GBE1: variants seen among roughly 807,000 people sequenced by gnomAD.
The protein encoded by GBE1 is 1,4-alpha-glucan-branching enzyme.
Under a neutral mutation model 88.8 loss-of-function variants are expected in GBE1, and 70 were observed. That is an observed-to-expected ratio of 0.79 (90% CI 0.65 to 0.96). The LOEUF is 0.96. Among genes scored for constraint, GBE1 ranks in the 40% least tolerant of loss-of-function variants. GBE1 has a pLI of 0.00. For missense variants in GBE1, 872 were observed against 871.0 expected, an observed-to-expected ratio of 1.00 and a Z score of -0.01; for synonymous variants, 284 against 300.1, an observed-to-expected ratio of 0.95 and a Z score of 0.56.
chr3:81,521,101 A>G (rs60231070), intron 14 of GBE1, among the ~76,000 whole-genome samples: 19,728 of 151,516 alleles, frequency 0.13, 1,841 homozygotes, highest in East Asian at 0.37. Context: ...GATGGCAGTC[A>G]CCATCTATTC....
At chr3:81,713,027 T>C (rs191593270) in intron 1 of GBE1, among the ~76,000 whole-genome samples, 3 of 152,338 alleles carry the variant, frequency 2.0e-5, no homozygotes, top group South Asian at 2.1e-4. Context: ...AACATACTTA[T>C]TGCAGGATAA....
At chr3:81,630,969 G>A (rs1704499697) in intron 7 of GBE1, among the ~76,000 whole-genome samples, 1 of 152,176 alleles carries the variant, frequency 6.6e-6, no homozygotes, top group African/African-American at 2.4e-5. Context: ...TTCAGAGGCT[G>A]AAGTGGGAGG....
At chr3:81,598,134 T>C (rs1703984225) in intron 7 of GBE1, among the ~76,000 whole-genome samples, 1 of 151,912 alleles carries the variant, frequency 6.6e-6, no homozygotes, top group African/African-American at 2.4e-5. Flanking sequence ...ACCTCTGAGA[T>C]TTTCAAAATT....
intron 9 of GBE1, among the ~76,000 whole-genome samples, chr3:81,590,760 G>T (rs1420386202): frequency 6.6e-6 from 1 of 152,014 alleles, no homozygotes; most frequent in Non-Finnish European, 1.5e-5. Context: ...ATAGCGAAGG[G>T]CCTGTCCACT....
At chr3:81,521,793 G>T (rs1214074323) in intron 14 of GBE1, among the ~76,000 whole-genome samples, 1 of 151,396 alleles carries the variant, frequency 6.6e-6, no homozygotes, top group African/African-American at 2.4e-5. Flanking sequence ...GGGATTTTAG[G>T]TTGAAATTAT....
chr3:81,509,808 T>C (rs142007687), intron 14 of GBE1: 36 of 152,136 alleles, frequency 2.4e-4, no homozygotes, highest in African/African-American at 8.2e-4. Context: ...ATAACTTCTA[T>C]CACAATTCCA....
intron 3 of GBE1, among the ~76,000 whole-genome samples, chr3:81,651,087 G>A (rs1704844562): frequency 6.6e-6 from 1 of 152,196 alleles, no homozygotes; most frequent in African/African-American, 2.4e-5. Context: ...CATCATTGAG[G>A]AGAACGTATT....
intron 3 of GBE1, among the ~76,000 whole-genome samples, chr3:81,651,129 T>C (rs1446851776): frequency 6.6e-6 from 1 of 152,240 alleles, no homozygotes; most frequent in Non-Finnish European, 1.5e-5. Flanking sequence ...AAAGGTTAAG[T>C]ACTCACAATT....
intron 2 of GBE1, among the ~76,000 whole-genome samples, chr3:81,679,722 T>A (rs571300584): frequency 6.6e-6 from 1 of 152,212 alleles, no homozygotes; most frequent in Middle Eastern, 3.2e-3. Flanking sequence ...TGTGAAAAAC[T>A]GTATGGTGGG....
chr3:81,564,732 T>C (rs1019297166), intron 12 of GBE1, among the ~76,000 whole-genome samples: 3 of 152,110 alleles, frequency 2.0e-5, no homozygotes, highest in Non-Finnish European at 4.4e-5. Context: ...GTAGTGGGCA[T>C]TTAAGTCACC....
chr3:81,685,164 C>G (rs910053808), intron 2 of GBE1, among the ~76,000 whole-genome samples: 4 of 152,120 alleles, frequency 2.6e-5, no homozygotes, highest in African/African-American at 9.7e-5. Context: ...CTTGTATACT[C>G]TACTTCCTTG....
rs1321073280 is a variant in GBE1 at position 81,493,626 on chromosome 3, A to G, written c.2053-3163T>C. On this transcript the variant is annotated intron_variant, in intron 15 of 15. Coordinates refer to ENST00000429644, the MANE Select transcript of GBE1 (RefSeq NM_000158.4). The stretch of plus-strand genomic sequence containing the variant: ...TGGCTCACCGCAGCCTCTGCCTCCC[A>G]GGTTCAAGTGATTCTCCTGCCTCAG... Among the ~76,000 whole-genome samples, 10 of 151,150 alleles carry G rather than the reference A, an allele frequency of 6.6e-5. No individual in the cohort carries two copies. The South Asian group carries it at 1.7e-3, about 25-fold the overall frequency.
At chr3:81,613,802 A>G (rs1334967066) in intron 7 of GBE1, among the ~76,000 whole-genome samples, 1 of 152,120 alleles carries the variant, frequency 6.6e-6, no homozygotes, top group African/African-American at 2.4e-5. Context: ...AACATTCTCT[A>G]TTGTAATTAT....
intron 14 of GBE1, among the ~76,000 whole-genome samples, chr3:81,528,236 AG>A (rs1279360349): frequency 2.7e-5 from 1 of 37,652 alleles, no homozygotes. Flanking sequence ...AGGAGGGGGG[AG>A]GGGGGAGGGA....
chr3:81,616,691 T>C lies in GBE1; in HGVS notation c.993-22668A>G, dbSNP rs1307713424. ...AAGTGTTCTAATGTTTGTCTTACCA[T>C]ATAATTTTGAAATAATCTCTATGTC... On this transcript the variant is annotated intron_variant, in intron 7 of 15. Transcript: ENST00000429644. Among the ~76,000 whole-genome samples, 4 of 152,238 alleles carry C rather than the reference T, an allele frequency of 2.6e-5. No homozygotes were observed. The South Asian group carries it at 6.2e-4, about 24-fold the overall frequency.
chr3:81,502,979 T>A lies in GBE1; in HGVS notation c.1935-3752A>T, dbSNP rs371371426. ...TCTGTTATCCATAGCTACCTCCCTATGCCTAGCAGAGGACCTTCTCCTAAT... is the reference window on the plus strand; with the variant it reads ...TCTGTTATCCATAGCTACCTCCCTAAGCCTAGCAGAGGACCTTCTCCTAAT... On this transcript the variant is annotated intron_variant, in intron 14 of 15. Coordinates refer to ENST00000429644, the MANE Select transcript of GBE1 (RefSeq NM_000158.4). Among the ~76,000 whole-genome samples, 8 of 152,316 alleles carry A rather than the reference T, an allele frequency of 5.3e-5. No homozygotes were observed. The East Asian group carries it at 1.5e-3, about 29-fold the overall frequency.
chr3:81,559,647 G>A (rs984586678), intron 12 of GBE1, among the ~76,000 whole-genome samples: 1 of 151,862 alleles, frequency 6.6e-6, no homozygotes, highest in Non-Finnish European at 1.5e-5. Flanking sequence ...ATGCACAGAT[G>A]ATATACACTT....
In GBE1 at chr3:81,631,545, G is replaced by A. The variant is rs532241279; in HGVS notation, c.992+11236C>T. Among the ~76,000 whole-genome samples the A allele has an allele frequency of 3.1e-3, 469 of 151,442 alleles. 1 individual carries two copies. Among genetic ancestry groups the A allele is most frequent in the African/African-American group, 0.01 (431 of 41,198 alleles). The stretch of plus-strand genomic sequence containing the variant: ...AGGTCAGGAGATCGAAAACATCCTG[G>A]CCAACATGGTGAAACCCCGTCTCTA... On this transcript the variant is annotated intron_variant, in intron 7 of 15. Transcript: ENST00000429644.
chr3:81,535,222 T>C lies in GBE1; in HGVS notation c.1907A>G (p.Tyr636Cys). The change falls in exon 14 of 16, where the codon TAC (tyrosine) becomes TGC (cysteine). Residue 636 changes from tyrosine (Y) to cysteine (C), a missense_variant. Transcript: ENST00000429644. The stretch of plus-strand genomic sequence containing the variant: ...CCCTGGCAATGCTGTTCCAACTCGG[T>C]AGTCAGTGTAGCTCTTGCTTGGATG... ...NFHPSKSYTD[Y>C]RVGTALPGKF... 6.2e-7 allele frequency: 1 copy of C among 1,611,162 alleles called. No homozygotes were observed. The highest frequency in any genetic ancestry group is 8.5e-7 in the Non-Finnish European group (1 of 1,178,486).
Sources: allele counts gnomAD v4.1 joint callset (sites outside exome capture counted in the v4.1 genomes callset), GRCh38; gene constraint gnomAD v4.1.1; transcripts MANE v1.5; gene names NCBI Gene and HGNC (gene_info 2026-07-23, HGNC 2026-07-21).